The following C2CD3 variants were observed in gnomAD, a reference collection of about 807,000 sequenced individuals.
The protein encoded by C2CD3 is C2 domain containing 3 centriole elongation regulator, also known as C2 domain-containing protein 3.
C2CD3 carries 148 observed loss-of-function variants against 234.0 expected under a neutral mutation model. The observed-to-expected ratio is 0.63, with a 90% CI of 0.55 to 0.72. The LOEUF (loss-of-function observed/expected upper bound fraction) is 0.72, where lower values mean the gene tolerates loss of function less well. C2CD3 is among the 30% of genes least tolerant of loss of function. The pLI, the probability that C2CD3 is intolerant of heterozygous loss-of-function variation, is 0.00. For missense variants in C2CD3, 2,577 were observed against 2,811.5 expected, an observed-to-expected ratio of 0.92 and a Z score of 1.89; for synonymous variants, 1,000 against 1,035.4, an observed-to-expected ratio of 0.97 and a Z score of 0.66.
At position 74,133,419 on chromosome 11, in the gene C2CD3, A is replaced by T; in HGVS notation, c.1088+6T>A. The T allele has an allele frequency of 1.9e-6, 3 of 1,612,974 alleles. No homozygotes were observed. In the South Asian group the frequency reaches 3.3e-5, roughly 18 times the overall value. On this transcript the variant is annotated splice_donor_region_variant and intron_variant, in intron 6 of 32. Transcript: ENST00000334126. ...CTGTTAAGGTTCTGTCTATCCTGTA[A>T]CTTACTGTGTTGATGCTCTAAGAGA...
intron 30 of C2CD3, among the ~76,000 whole-genome samples, chr11:74,035,022 G>A (rs574345253): frequency 2.2e-4 from 34 of 152,340 alleles, no homozygotes; most frequent in African/African-American, 8.2e-4. Flanking sequence ...TGGAATGGGA[G>A]TGAATCAATT....
intron 11 of C2CD3, among the ~76,000 whole-genome samples, chr11:74,111,543 T>A (rs752805127): frequency 8.5e-5 from 13 of 152,216 alleles, no homozygotes; most frequent in Non-Finnish European, 1.2e-4. Flanking sequence ...ATCTTATTAA[T>A]GTATATGCAA....
rs1300377293 is a variant in C2CD3 at position 74,033,809 on chromosome 11, A to G, written c.6351T>C (p.Pro2117=). 10 of 1,536,172 alleles carry G rather than the reference A, an allele frequency of 6.5e-6. No homozygotes were observed. Residue 2117 remains proline (P), a synonymous_variant, in exon 31 of 33, where the codon CCT becomes CCC. Transcript: ENST00000334126. The part of the protein sequence containing the change: ...REGPSCPSPG[P]FCREELMVKS... ...TGACCATAAGCTCCTCTCTGCAGAA[A>G]GGCCCTGGAGAAGGACAAGAGGGGC... is the stretch of plus-strand genomic sequence containing the variant.
Position 74,170,899 on chromosome 11 carries a change from C to T in C2CD3, c.-107G>A. On this transcript the variant is annotated 5_prime_UTR_variant, in exon 1 of 33. Transcript: ENST00000334126. ...GCCTGCGTTCCCCGGCAACCGGCGCCGCTGGGCAGCCTGGGAGGCAGGAAA... is the reference window on the plus strand; with the variant it reads ...GCCTGCGTTCCCCGGCAACCGGCGCTGCTGGGCAGCCTGGGAGGCAGGAAA... The T allele has an allele frequency of 6.6e-7, 1 of 1,506,822 alleles. No homozygotes were observed. The highest frequency in any genetic ancestry group is 1.4e-5 in the African/African-American group (1 of 71,416). The allele number at this position is 1,506,822 out of a possible 1,614,324, so 93.3% of individuals were successfully genotyped here. A position where few individuals can be genotyped will look rare whatever the true frequency, so the allele number is the denominator to read the frequency against.
At chr11:74,141,754 G>A (rs1958054416) in intron 3 of C2CD3, among the ~76,000 whole-genome samples, 1 of 152,110 alleles carries the variant, frequency 6.6e-6, no homozygotes, top group Non-Finnish European at 1.5e-5. Flanking sequence ...CAGCACTTTG[G>A]GAGGCAGGGG....
chr11:74,062,980 C>G (rs1471561828), intron 24 of C2CD3, among the ~76,000 whole-genome samples: 1 of 152,164 alleles, frequency 6.6e-6, no homozygotes. Flanking sequence ...TACAAACTAT[C>G]ATCAGAGAAT....
At chr11:74,099,541 C>A (rs549059048) in intron 15 of C2CD3, among the ~76,000 whole-genome samples, 1 of 152,126 alleles carries the variant, frequency 6.6e-6, no homozygotes, top group East Asian at 1.9e-4. Context: ...TATGAGAAGG[C>A]TGCTAGGAAA....
intron 29 of C2CD3, among the ~76,000 whole-genome samples, chr11:74,041,193 G>T (rs534154844): frequency 6.6e-6 from 1 of 151,952 alleles, no homozygotes; most frequent in East Asian, 1.9e-4. Flanking sequence ...TTTCACTTAA[G>T]AATAATTGTT....
chr11:74,168,406 A>C lies in C2CD3; in HGVS notation c.263T>G (p.Val88Gly). ...RDALQTEPKA[V>G]RTTTRYAIRC... ...AATAGCGTAACGTGTAGTTGTTCTC[A>C]CAGCTTTTGGTTCAGTCTGCAATGC... The change falls in exon 2 of 33, where the codon GTG (valine) becomes GGG (glycine). Residue 88 changes from valine (V) to glycine (G), a missense_variant. Val to Gly is a moderately radical substitution (Grantham distance 109). Transcript: ENST00000334126. The C allele has an allele frequency of 6.2e-7, 1 of 1,613,980 alleles. No individual in the cohort carries two copies. Among genetic ancestry groups the C allele is most frequent in the Non-Finnish European group, 8.5e-7 (1 of 1,179,820 alleles).
Position 74,093,783 on chromosome 11 carries a change from C to T in C2CD3, c.3344+33G>A, listed in dbSNP as rs772456372. 2.0e-5 allele frequency: 31 copies of T among 1,579,558 alleles called. No homozygotes were observed. In the South Asian group the frequency reaches 3.4e-4, roughly 17 times the overall value. On this transcript the variant is annotated intron_variant, in intron 18 of 32. Coordinates refer to ENST00000334126, the MANE Select transcript of C2CD3 (RefSeq NM_001286577.2). ...ATGCTTTATGATTGTGCACTTCCTTCCTAGGCATAGGACTGGGGTCTCCAC... is the reference window on the plus strand; with the variant it reads ...ATGCTTTATGATTGTGCACTTCCTTTCTAGGCATAGGACTGGGGTCTCCAC...
chr11:74,098,386 A>T, intron 15 of C2CD3, 131 bp from the exon 16 acceptor site: 1 of 917,886 alleles, frequency 1.1e-6, no homozygotes. Context: ...GTGGTTTTAA[A>T]AAATGTGTGC....
intron 27 of C2CD3, 61 bp from the exon 28 acceptor site, chr11:74,048,399 G>T: frequency 6.4e-7 from 1 of 1,552,678 alleles, no homozygotes; most frequent in Non-Finnish European, 8.8e-7. Flanking sequence ...TAACAAAGCA[G>T]TATATAAATA....
rs778316793 is a variant in C2CD3 at position 74,078,479 on chromosome 11, C to T, written c.4239G>A (p.Arg1413=). 9.9e-6 allele frequency: 16 copies of T among 1,614,200 alleles called. No homozygotes were observed. In the South Asian group the frequency reaches 1.2e-4, roughly 12 times the overall value. ...GCACACAATGGATGGGCAGCCACAG[C>T]CTTGGGGTGGAGATGGTGACAGTGG... ...EPATVTISTP[R]LWLPIHCVLL... Residue 1413 remains arginine (R), a synonymous_variant, in exon 23 of 33, where the codon AGG becomes AGA. Coordinates refer to ENST00000334126, the MANE Select transcript of C2CD3 (RefSeq NM_001286577.2).
chr11:74,047,700 G>A (rs1356617480), intron 28 of C2CD3, among the ~76,000 whole-genome samples: 4 of 152,170 alleles, frequency 2.6e-5, no homozygotes, highest in East Asian at 1.9e-4. Context: ...TGTAGGCAGC[G>A]GGGTGCTTCA....
At chr11:74,098,717 T>A (rs1381815479) in intron 15 of C2CD3, among the ~76,000 whole-genome samples, 1 of 152,202 alleles carries the variant, frequency 6.6e-6, no homozygotes, top group Non-Finnish European at 1.5e-5. Context: ...CTGCAAAGGT[T>A]GGTATTATCC....
intron 25 of C2CD3, among the ~76,000 whole-genome samples, chr11:74,055,525 A>T (rs1013128106): frequency 6.6e-6 from 1 of 152,228 alleles, no homozygotes; most frequent in Non-Finnish European, 1.5e-5. Flanking sequence ...AATAGAGCCT[A>T]CTTCCTGACC....
chr11:74,101,330 C>A (rs1419514326), intron 14 of C2CD3, among the ~76,000 whole-genome samples: 1 of 152,134 alleles, frequency 6.6e-6, no homozygotes, highest in South Asian at 2.1e-4. Flanking sequence ...TTTGAAGAAA[C>A]CCAAGCTGTA....
At chr11:74,158,016 A>G (rs1422355247) in intron 3 of C2CD3, among the ~76,000 whole-genome samples, 1 of 152,228 alleles carries the variant, frequency 6.6e-6, no homozygotes, top group African/African-American at 2.4e-5. Context: ...GACTCCTCTC[A>G]TCATACATAA....
At chr11:74,166,457 C>G (rs559995993) in intron 2 of C2CD3, among the ~76,000 whole-genome samples, 1 of 152,170 alleles carries the variant, frequency 6.6e-6, no homozygotes, top group African/African-American at 2.4e-5. Flanking sequence ...GGTGCTGGCA[C>G]ATTTGATGTT....
Sources: allele counts gnomAD v4.1 joint callset (sites outside exome capture counted in the v4.1 genomes callset), GRCh38; gene constraint gnomAD v4.1.1; transcripts MANE v1.5; gene names NCBI Gene and HGNC (gene_info 2026-07-23, HGNC 2026-07-21).